Variants in F11R observed in about 807,000 individuals in gnomAD.
The protein encoded by F11R is junctional adhesion molecule A.
F11R carries 27 observed loss-of-function variants against 39.3 expected under a neutral mutation model. The observed-to-expected ratio is 0.69, with a 90% CI of 0.51 to 0.95. The LOEUF (loss-of-function observed/expected upper bound fraction) is 0.95. Ranked by LOEUF, F11R falls within the 40% of genes least tolerant of loss-of-function variation. The probability of loss-of-function intolerance (pLI) is 0.00; values close to 1 mark genes in which losing one functional copy is unlikely to be tolerated. For missense variants in F11R, 335 were observed against 372.7 expected (o/e 0.90, Z 0.83); for synonymous variants, 131 against 144.9 (o/e 0.90, Z 0.69).
intron 1 of F11R, among the ~76,000 whole-genome samples, chr1:161,006,555 A>G (rs1648828519): frequency 6.6e-6 from 1 of 152,220 alleles, no homozygotes; most frequent in South Asian, 2.1e-4. Flanking sequence ...ACGTTGGGCT[A>G]CAGGCATATT....
intron 1 of F11R, among the ~76,000 whole-genome samples, chr1:161,008,417 G>A (rs531173957): frequency 1.3e-5 from 2 of 152,046 alleles, no homozygotes; most frequent in African/African-American, 2.4e-5. Context: ...CAGTAGAATG[G>A]CGTGAACCCG....
rs1488835057 is a variant in F11R at position 160,996,836 on chromosome 1, T to TAAAG, written c.*2034_*2035insCTTT. 9.8e-5 allele frequency: 15 copies of TAAAG among 152,340 alleles called. No individual in the cohort carries two copies. Among genetic ancestry groups the TAAAG allele is most frequent in the Non-Finnish European group, 4.4e-5 (3 of 68,044 alleles). The allele number at this position is 152,340 out of a possible 1,614,324, so 9.4% of individuals were successfully genotyped here. A position where few individuals can be genotyped will look rare whatever the true frequency, so the allele number is the denominator to read the frequency against. ...TACTGAACCATTTCATAAGCTCTAC[T>TAAAG]TTATTTGTCTAGTTGGATTTCATTT... On this transcript the variant is annotated 3_prime_UTR_variant, in exon 10 of 10. Transcript: ENST00000368026.
intron 1 of F11R, among the ~76,000 whole-genome samples, chr1:161,014,495 A>G (rs1649339364): frequency 6.6e-6 from 1 of 152,232 alleles, no homozygotes; most frequent in Non-Finnish European, 1.5e-5. Flanking sequence ...CTTAAAGCCA[A>G]GAATTCAAGA....
At chr1:161,019,886 C>T (rs1163867358) in intron 1 of F11R, among the ~76,000 whole-genome samples, 2 of 152,168 alleles carry the variant, frequency 1.3e-5, no homozygotes, top group Non-Finnish European at 2.9e-5. Context: ...GGTCCAATCT[C>T]TCCCAAGGGT....
At chr1:160,999,253 G>A (rs1162129682) in intron 8 of F11R, 143 bp downstream of exon 8, 8 of 1,432,964 alleles carry the variant, frequency 5.6e-6, no homozygotes, top group African/African-American at 1.4e-5. Context: ...CAAGGCCACA[G>A]AGAAAGGGCT....
At chr1:161,020,704 T>C (rs1202446722) in intron 1 of F11R, among the ~76,000 whole-genome samples, 1 of 152,186 alleles carries the variant, frequency 6.6e-6, no homozygotes, top group African/African-American at 2.4e-5. Flanking sequence ...GAAGGGTCCT[T>C]GGCCCGACGG....
intron 4 of F11R, 64 bp downstream of exon 4, chr1:161,000,567 G>A: frequency 6.3e-7 from 1 of 1,599,960 alleles, no homozygotes; most frequent in Non-Finnish European, 8.6e-7. Flanking sequence ...GCTCCAAAGT[G>A]CAGCAGAGCC....
chr1:160,995,471 T>G lies in F11R; in HGVS notation c.*3400A>C, dbSNP rs1648062314. 1 of 152,166 alleles carries G rather than the reference T, an allele frequency of 6.6e-6. No individual in the cohort carries two copies. 9.4% of individuals were successfully genotyped at this position (152,166 alleles called of 1,614,324 possible). ...GTAAGATAGAACATGGGAGGTGATG[T>G]GGCCGGGTGCAGTGACTCACGCCTG... On this transcript the variant is annotated 3_prime_UTR_variant, in exon 10 of 10. Transcript: ENST00000368026.
intron 1 of F11R, among the ~76,000 whole-genome samples, chr1:161,006,843 C>A (rs1648844118): frequency 6.6e-6 from 1 of 152,152 alleles, no homozygotes; most frequent in African/African-American, 2.4e-5. Flanking sequence ...CTTGAACAGG[C>A]CCCTGGAACC....
intron 4 of F11R, 73 bp downstream of exon 4, chr1:161,000,558 C>T: frequency 6.3e-7 from 1 of 1,594,250 alleles, no homozygotes; most frequent in Non-Finnish European, 8.6e-7. Flanking sequence ...CATCAAAGAG[C>T]TCCAAAGTGC....
chr1:161,016,459 A>G (rs927184553), intron 1 of F11R, among the ~76,000 whole-genome samples: 1 of 151,088 alleles, frequency 6.6e-6, no homozygotes, highest in Admixed American at 6.6e-5. Context: ...CTGGCGACAG[A>G]GAGAGACTCT....
chr1:161,012,921 G>A (rs1360702570), intron 1 of F11R, among the ~76,000 whole-genome samples: 2 of 152,150 alleles, frequency 1.3e-5, no homozygotes, highest in East Asian at 1.9e-4. Context: ...CACTGCACCC[G>A]GCCGATTTAT....
chr1:161,005,719 A>G (rs1388097327), intron 1 of F11R, among the ~76,000 whole-genome samples: 1 of 151,898 alleles, frequency 6.6e-6, no homozygotes, highest in Non-Finnish European at 1.5e-5. Flanking sequence ...AGGTCCCACT[A>G]TGTTACCCAG....
chr1:161,019,535 C>G (rs939523538), intron 1 of F11R, among the ~76,000 whole-genome samples: 1 of 141,640 alleles, frequency 7.1e-6, no homozygotes, highest in African/African-American at 2.6e-5. Context: ...GCGGAGGTTG[C>G]GGTGGGCCAA....
chr1:161,011,583 T>C (rs2101983826), intron 1 of F11R, among the ~76,000 whole-genome samples: 1 of 151,920 alleles, frequency 6.6e-6, no homozygotes, highest in Middle Eastern at 3.4e-3. Flanking sequence ...ACAAAAAAAT[T>C]AGCCAGGCGT....
chr1:160,999,083 C>T lies in F11R; in HGVS notation c.824G>A (p.Ser275Asn), dbSNP rs145312674. Reference protein sequence around the residue: ...HFDRTKKGTSSKKVIYSQPSA... With the variant: ...HFDRTKKGTSNKKVIYSQPSA... Reference sequence around the variant, plus strand: ...AGGCTGGCTGTAAATCACCTTCTTACTCGAAGTCCTGTGAACAAGCCAGAA... The same window carrying T: ...AGGCTGGCTGTAAATCACCTTCTTATTCGAAGTCCTGTGAACAAGCCAGAA... The change falls in exon 9 of 10, where the codon AGT (serine) becomes AAT (asparagine). Residue 275 changes from serine (S) to asparagine (N), a missense_variant. Ser to Asn is a conservative substitution (Grantham distance 46). Transcript: ENST00000368026. 772 of 1,614,236 alleles carry T rather than the reference C, an allele frequency of 4.8e-4. 5 individuals carry two copies. The African/African-American group carries it at 8.9e-3, about 19-fold the overall frequency.
At position 161,020,865 on chromosome 1, in the gene F11R, C is replaced by T. The variant is rs1019016955; in HGVS notation, c.64+145G>A. 14 of 754,162 alleles carry T rather than the reference C, an allele frequency of 1.9e-5. 1 individual carries two copies. Among genetic ancestry groups the T allele is most frequent in the Middle Eastern group, 4.7e-4 (2 of 4,294 alleles). The allele number at this position is 754,162 out of a possible 1,614,324, so 46.7% of individuals were successfully genotyped here. Reference sequence around the variant, plus strand: ...GCTGTGAGAGTGGTGAAAGAGGGACCAGCCAGGGGTGGAAAAGATAATTCG... The same window carrying T: ...GCTGTGAGAGTGGTGAAAGAGGGACTAGCCAGGGGTGGAAAAGATAATTCG... On this transcript the variant is annotated intron_variant, in intron 1 of 9. Transcript: ENST00000368026.
chr1:161,008,611 T>C (rs756852523), intron 1 of F11R, among the ~76,000 whole-genome samples: 2 of 152,238 alleles, frequency 1.3e-5, no homozygotes, highest in Non-Finnish European at 2.9e-5. Context: ...ATATGTAATA[T>C]CATTTAATCC....
chr1:161,012,264 A>G (rs575179953), intron 1 of F11R, among the ~76,000 whole-genome samples: 6 of 152,320 alleles, frequency 3.9e-5, no homozygotes, highest in African/African-American at 1.4e-4. Flanking sequence ...TCCTTCTACT[A>G]CTTTGCTAAG....
Sources: allele counts gnomAD v4.1 joint callset (sites outside exome capture counted in the v4.1 genomes callset), GRCh38; gene constraint gnomAD v4.1.1; transcripts MANE v1.5; gene names NCBI Gene and HGNC (gene_info 2026-07-23, HGNC 2026-07-21).